The following MIER2 variants were observed in gnomAD, a reference collection of about 807,000 sequenced individuals.
MIER2 encodes the protein MIER family member 2.
A neutral mutation model predicts 67.6 loss-of-function variants in MIER2; 30 were observed. That is an observed-to-expected ratio of 0.44 (90% CI 0.33 to 0.60). The LOEUF is 0.60. Ranked by LOEUF, MIER2 falls within the 20% of genes least tolerant of loss-of-function variation. MIER2 has a pLI of 0.02. For missense variants in MIER2, 702 were observed against 745.1 expected (o/e 0.94, Z 0.67); for synonymous variants, 372 against 312.6 (o/e 1.19, Z -2.00).
Position 306,594 on chromosome 19 carries a change from CG to C in MIER2, c.*95del. Reference sequence around the variant, plus strand: ...CAGAAGGAGGTGCTACCCCAAGGCCCGGGGGGTGGGGAAGGGGTCAGGAAGA... The same window carrying C: ...CAGAAGGAGGTGCTACCCCAAGGCCCGGGGGTGGGGAAGGGGTCAGGAAGA... On this transcript the variant is annotated 3_prime_UTR_variant, in exon 14 of 14. Coordinates refer to ENST00000264819, the MANE Select transcript of MIER2 (RefSeq NM_017550.3). 4 of 1,504,382 alleles carry C rather than the reference CG, an allele frequency of 2.7e-6. No individual in the cohort carries two copies. Among genetic ancestry groups the C allele is most frequent in the Admixed American group, 2.0e-5 (1 of 50,710 alleles). The allele number at this position is 1,504,382 out of a possible 1,614,324, so 93.2% of individuals were successfully genotyped here. A position where few individuals can be genotyped will look rare whatever the true frequency, so the allele number is the denominator to read the frequency against.
At chr19:314,805 A>G (rs1568220498) in intron 7 of MIER2, among the ~76,000 whole-genome samples, 1 of 152,136 alleles carries the variant, frequency 6.6e-6, no homozygotes, top group Non-Finnish European at 1.5e-5. Context: ...AGGGAAAAAC[A>G]TTAACCGGAT....
intron 7 of MIER2, among the ~76,000 whole-genome samples, chr19:323,540 T>G (rs562627148): frequency 6.8e-6 from 1 of 147,458 alleles, no homozygotes; most frequent in South Asian, 2.1e-4. Flanking sequence ...GTCATCACAA[T>G]GCAATACACA....
chr19:327,100 G>T (rs1230636805), intron 5 of MIER2, 33 bp downstream of exon 5: 16 of 1,559,002 alleles, frequency 1.0e-5, no homozygotes, highest in Non-Finnish European at 1.2e-5. Flanking sequence ...AGGGGGCCTG[G>T]CTGCGGTGGA....
chr19:342,596 TAA>T (rs763722239), intron 1 of MIER2, among the ~76,000 whole-genome samples: 1 of 149,548 alleles, frequency 6.7e-6, no homozygotes, highest in Non-Finnish European at 1.5e-5. Context: ...CTTAGGTTTT[TAA>T]AAGATCAATC....
chr19:311,242 G>A (rs1189286150), intron 10 of MIER2, among the ~76,000 whole-genome samples: 4 of 152,266 alleles, frequency 2.6e-5, no homozygotes, highest in Non-Finnish European at 1.5e-5. Context: ...CCATGGGAAG[G>A]TTTTCAGCCA....
intron 7 of MIER2, among the ~76,000 whole-genome samples, chr19:316,007 A>G (rs887106416): frequency 2.6e-5 from 4 of 152,252 alleles, no homozygotes; most frequent in African/African-American, 9.6e-5. Context: ...TTCTCAACAG[A>G]AACGATGACA....
chr19:327,814 G>GC (rs762159525), intron 4 of MIER2, 50 bp downstream of exon 4: 47 of 1,602,496 alleles, frequency 2.9e-5, no homozygotes, highest in South Asian at 1.0e-4. Context: ...GCAGCGCCAG[G>GC]CCCCCCCACC....
At chr19:344,742 G>A in intron 1 of MIER2, 32 bp downstream of exon 1, 1 of 1,158,084 alleles carries the variant, frequency 8.6e-7, no homozygotes, top group Non-Finnish European at 1.1e-6. Flanking sequence ...GCGCGGGGGC[G>A]GGGGGCCGGC....
At position 307,215 on chromosome 19, in the gene MIER2, G is replaced by C; in HGVS notation, c.1520C>G (p.Thr507Ser). Residue 507 changes from threonine to serine, a missense_variant, in exon 13 of 14, where the codon ACC (threonine) becomes AGC (serine). Physicochemically the swap from Thr to Ser is moderately conservative, Grantham distance 58 (BLOSUM62 1). Transcript: ENST00000264819. ...VAPAQVALSV[T>S]EFGLIGIGDV... ...CCCAATGCCGATGAGTCCAAACTCG[G>C]TGACCGACAAAGCCACCTGTGCTGG... The C allele has an allele frequency of 6.3e-7, 1 of 1,592,092 alleles. No homozygotes were observed. Among genetic ancestry groups the C allele is most frequent in the African/African-American group, 1.3e-5 (1 of 74,738 alleles).
At chr19:315,951 A>G (rs1971218801) in intron 7 of MIER2, among the ~76,000 whole-genome samples, 1 of 152,254 alleles carries the variant, frequency 6.6e-6, no homozygotes, top group Non-Finnish European at 1.5e-5. Flanking sequence ...TTAGGAGAGA[A>G]AAGGGCACAA....
At chr19:344,515 C>T (rs950996182) in intron 1 of MIER2, 1 of 369,278 alleles carries the variant, frequency 2.7e-6, no homozygotes, top group Non-Finnish European at 3.7e-6. Flanking sequence ...CGGCCCCCGC[C>T]CGCCCCGCGC....
Position 312,302 on chromosome 19 carries a change from G to T in MIER2, c.808-30C>A, listed in dbSNP as rs139614204. On this transcript the variant is annotated intron_variant, in intron 8 of 13. Coordinates refer to ENST00000264819, the MANE Select transcript of MIER2 (RefSeq NM_017550.3). ...GGAGAGGACATGTTGGCTCTTCCAT[G>T]GGCTCAGCGCAGGAGCCGACAGCAA... 2.7e-4 allele frequency: 426 copies of T among 1,607,526 alleles called. No homozygotes were observed. In the African/African-American group the frequency reaches 4.9e-3, roughly 19 times the overall value.
At position 325,452 on chromosome 19, in the gene MIER2, G is replaced by A. The variant is rs557490077; in HGVS notation, c.655+183C>T. On this transcript the variant is annotated intron_variant, in intron 7 of 13. Transcript: ENST00000264819. ...CAAGGGAGGGACAGAGCTGGGCAGG[G>A]GCAGGCAGCAATAGGCCCACTGCAG... 3.3e-5 allele frequency among the ~76,000 whole-genome samples: 5 copies of A among 152,266 alleles called. 1 individual carries two copies. Among genetic ancestry groups the A allele is most frequent in the Admixed American group, 3.3e-4 (5 of 15,300 alleles).
At chr19:327,766 T>C (rs1971826130) in intron 4 of MIER2, 98 bp downstream of exon 4, 1 of 1,531,204 alleles carries the variant, frequency 6.5e-7, no homozygotes, top group Non-Finnish European at 8.8e-7. Flanking sequence ...TGGGGGCCTT[T>C]GTGCCTCCTC....
chr19:307,363 C>G lies in MIER2; in HGVS notation c.1372G>C (p.Ala458Pro). ...GCGTCTGGCTCCGGAGCAGTGACAGCTGGCTGGTATGAGGCTGGGTCGGCC... is the reference window on the plus strand; with the variant it reads ...GCGTCTGGCTCCGGAGCAGTGACAGGTGGCTGGTATGAGGCTGGGTCGGCC... ...ALADPASYQP[A>P]VTAPEPDASP... The change falls in exon 13 of 14, where the codon GCT (alanine) becomes CCT (proline). Residue 458 changes from alanine to proline, a missense_variant. Ala to Pro is a conservative substitution (Grantham distance 27). Around this residue, in one of 3 missense-constraint regions of MIER2, gnomAD observed 254 missense variants for 262.8 expected, o/e 0.97. Transcript: ENST00000264819. 6.2e-7 allele frequency: 1 copy of G among 1,606,472 alleles called. No individual in the cohort carries two copies. Among genetic ancestry groups the G allele is most frequent in the Non-Finnish European group, 8.5e-7 (1 of 1,177,360 alleles).
intron 7 of MIER2, among the ~76,000 whole-genome samples, chr19:322,460 C>T (rs145433786): frequency 3.8e-3 from 576 of 152,030 alleles, no homozygotes; most frequent in Non-Finnish European, 3.4e-3. Context: ...TGCACAAAGC[C>T]CAGAAAGACT....
At chr19:307,093 G>A (rs759056229) in intron 13 of MIER2, 26 bp downstream of exon 13, 4 of 1,559,138 alleles carry the variant, frequency 2.6e-6, no homozygotes, top group Non-Finnish European at 3.5e-6. Context: ...GTGTTGCGGA[G>A]GCTCCGGGCA....
chr19:344,404 C>T (rs1292434475), intron 1 of MIER2: 1 of 983,720 alleles, frequency 1.0e-6, no homozygotes, highest in Non-Finnish European at 1.2e-6. Flanking sequence ...CCGCGGGGCC[C>T]GGGCCGGGGC....
chr19:308,899 A>G lies in MIER2; in HGVS notation c.1011T>C (p.Cys337=), dbSNP rs748781070. The G allele has an allele frequency of 1.9e-6, 3 of 1,607,488 alleles. No individual in the cohort carries two copies. In the Admixed American group the frequency reaches 5.0e-5, roughly 27 times the overall value. ...NKVRTRSVGE[C]VEYYYLWKKS... ...TCTTCCACAGGTAGTAGTACTCGAC[A>G]CACTCGCCCACTGACCGTGTGCGCA... The change falls in exon 11 of 14, where the codon TGT becomes TGC. Residue 337 remains cysteine (C), a synonymous_variant. Transcript: ENST00000264819. This position sits in a 1 kb window ranked among gnomAD's most constrained non-coding sequence, Gnocchi z 9.1.
Sources: allele counts gnomAD v4.1 joint callset (sites outside exome capture counted in the v4.1 genomes callset), GRCh38; gene constraint gnomAD v4.1.1; regional missense constraint gnomAD v4.1.1; non-coding constraint Gnocchi (gnomAD v3.1); transcripts MANE v1.5; gene names NCBI Gene and HGNC (gene_info 2026-07-23, HGNC 2026-07-21).